Variants in RGS22 observed in about 807,000 individuals in gnomAD.
RGS22 encodes regulator of G-protein signaling 22.
In RGS22, 148 loss-of-function variants were observed where a neutral mutation model predicts 172.9. The ratio of observed to expected loss-of-function variants is 0.86; its 90% CI spans 0.75 to 0.98. The LOEUF (loss-of-function observed/expected upper bound fraction) is 0.98. Among genes scored for constraint, RGS22 ranks in the 50% least tolerant of loss-of-function variants. RGS22 has a pLI of 0.00. For missense variants in RGS22, 1,347 were observed against 1,440.8 expected (o/e 0.93, Z 1.05); for synonymous variants, 458 against 480.2 (o/e 0.95, Z 0.60).
At chr8:99,983,872 T>C (rs941976872) in intron 21 of RGS22, among the ~76,000 whole-genome samples, 3 of 152,204 alleles carry the variant, frequency 2.0e-5, no homozygotes, top group Admixed American at 6.5e-5. Context: ...AAAATTCTGA[T>C]GTCTTTCATG....
chr8:100,096,789 A>G (rs1350493133), intron 2 of RGS22, among the ~76,000 whole-genome samples: 2 of 151,738 alleles, frequency 1.3e-5, no homozygotes, highest in African/African-American at 2.4e-5. Context: ...GATTACAAGC[A>G]TGAGCCAACA....
chr8:100,043,229 C>A (rs182264260), intron 11 of RGS22, among the ~76,000 whole-genome samples: 2 of 152,202 alleles, frequency 1.3e-5, no homozygotes, highest in Non-Finnish European at 2.9e-5. Flanking sequence ...TCCACCTGTA[C>A]CCATCCTTAC....
At chr8:100,079,875 T>C (rs924927433) in intron 4 of RGS22, among the ~76,000 whole-genome samples, 2 of 152,202 alleles carry the variant, frequency 1.3e-5, no homozygotes, top group African/African-American at 4.8e-5. Flanking sequence ...AGGACACTTA[T>C]ATTTATATGA....
At chr8:100,079,597 T>C (rs1811597732) in intron 4 of RGS22, among the ~76,000 whole-genome samples, 1 of 152,210 alleles carries the variant, frequency 6.6e-6, no homozygotes, top group Admixed American at 6.5e-5. Flanking sequence ...ATTTGACAGA[T>C]GATGAAAATC....
intron 3 of RGS22, among the ~76,000 whole-genome samples, chr8:100,091,294 C>A (rs73698426): frequency 0.014 from 940 of 66,578 alleles, 4 homozygotes; most frequent in African/African-American, 0.019. Context: ...AGAGGAACTC[C>A]AAAAAAAAAA....
intron 2 of RGS22, among the ~76,000 whole-genome samples, chr8:100,097,524 G>A (rs1813069381): frequency 6.6e-6 from 1 of 152,180 alleles, no homozygotes; most frequent in South Asian, 2.1e-4. Context: ...AGGTATATCA[G>A]TGTTCACTAT....
chr8:100,105,444 ATTTCC>A (rs1813855697), intron 1 of RGS22, 42 bp from the exon 2 acceptor site: 7 of 1,539,772 alleles, frequency 4.5e-6, no homozygotes, highest in Non-Finnish European at 6.3e-6. Context: ...CTCAAATCTG[ATTTCC>A]TTTGAGTAAA....
Position 99,986,985 on chromosome 8 carries a change from G to GA in RGS22, c.3180+472dup, listed in dbSNP as rs1343382312. ...TTAAATCTTATGTATGTTAATACCT[G>GA]AAAAAAAACCTAATACAGGTTGAGT... On this transcript the variant is annotated intron_variant, in intron 21 of 27. Coordinates refer to ENST00000360863, the MANE Select transcript of RGS22 (RefSeq NM_015668.5). Among the ~76,000 whole-genome samples, 14 of 151,866 alleles carry GA rather than the reference G, an allele frequency of 9.2e-5. 1 individual carries two copies. In the South Asian group the frequency reaches 1.9e-3, roughly 20 times the overall value.
chr8:100,028,864 CA>C (rs1177388448), intron 14 of RGS22, among the ~76,000 whole-genome samples: 1 of 152,170 alleles, frequency 6.6e-6, no homozygotes, highest in Non-Finnish European at 1.5e-5. Flanking sequence ...CAAGTATGGG[CA>C]TAACATGTGG....
At chr8:100,019,569 T>A (rs1388001786) in intron 14 of RGS22, among the ~76,000 whole-genome samples, 1 of 152,206 alleles carries the variant, frequency 6.6e-6, no homozygotes, top group Non-Finnish European at 1.5e-5. Context: ...GAGATCTTAA[T>A]ACTAGTTGAC....
At chr8:99,998,177 C>T (rs1243147700) in intron 19 of RGS22, among the ~76,000 whole-genome samples, 1 of 151,996 alleles carries the variant, frequency 6.6e-6, no homozygotes, top group Non-Finnish European at 1.5e-5. Flanking sequence ...TAACCTTGTC[C>T]ACTTGTGTGA....
intron 9 of RGS22, among the ~76,000 whole-genome samples, chr8:100,053,929 T>C (rs573969503): frequency 2.6e-5 from 4 of 152,336 alleles, no homozygotes; most frequent in South Asian, 4.1e-4. Context: ...CCACTGCGCC[T>C]GGCCTATAAA....
At chr8:99,962,602 C>T in intron 26 of RGS22, 85 bp downstream of exon 26, 1 of 1,446,102 alleles carries the variant, frequency 6.9e-7, no homozygotes, top group Non-Finnish European at 9.5e-7. Context: ...CCCTTCCTCC[C>T]TGTACATTCT....
rs764619623 is a variant in RGS22 at position 99,962,947 on chromosome 8, G to C, written c.3647C>G (p.Ala1216Gly). Residue 1216 changes from alanine to glycine, a missense_variant, in exon 25 of 28, where the codon GCC becomes GGC. Transcript: ENST00000360863. ...AAGAAGAATTCTCTCCTGTTCTAAG[G>C]CTTCTATATACTTTGAGTAGCACCA... ...PTWCYSKYIE[A>G]LEQERILLKI... 11 of 1,593,202 alleles carry C rather than the reference G, an allele frequency of 6.9e-6. No homozygotes were observed. The South Asian group carries it at 1.3e-4, about 19-fold the overall frequency.
Position 100,018,521 on chromosome 8 carries a change from A to G in RGS22, c.2167-9952T>C, listed in dbSNP as rs530989410. On this transcript the variant is annotated intron_variant, in intron 14 of 27. Coordinates refer to ENST00000360863, the MANE Select transcript of RGS22 (RefSeq NM_015668.5). ...TCTAAATAGCGTTAAAATGAAGAAC[A>G]ATGTTTAATTTATTCTTAATACATA... Among the ~76,000 whole-genome samples the G allele has an allele frequency of 3.3e-4, 51 of 152,350 alleles. 1 individual carries two copies. In the South Asian group the frequency reaches 0.01, roughly 31 times the overall value.
intron 13 of RGS22, among the ~76,000 whole-genome samples, chr8:100,039,378 CTTTT>C (rs56745564): frequency 1.1e-4 from 13 of 123,434 alleles, no homozygotes; most frequent in Non-Finnish European, 1.0e-4. Flanking sequence ...CAGTTAAATA[CTTTT>C]TTTTTTTTTT....
At chr8:100,057,434 A>T (rs748048837) in intron 9 of RGS22, among the ~76,000 whole-genome samples, 11 of 152,262 alleles carry the variant, frequency 7.2e-5, no homozygotes, top group Non-Finnish European at 1.3e-4. Flanking sequence ...CAGGGGAGGA[A>T]TGATGTGATT....
At chr8:100,074,713 G>C (rs1388425503) in intron 4 of RGS22, among the ~76,000 whole-genome samples, 1 of 151,886 alleles carries the variant, frequency 6.6e-6, no homozygotes, top group African/African-American at 2.4e-5. Context: ...CATGAATAAA[G>C]CAACTATAGA....
intron 14 of RGS22, among the ~76,000 whole-genome samples, chr8:100,021,131 A>T (rs1437588514): frequency 6.6e-6 from 1 of 152,250 alleles, no homozygotes; most frequent in Non-Finnish European, 1.5e-5. Flanking sequence ...AGTAGGAAAA[A>T]ACAAATGACA....
Sources: gnomAD v4.1 joint callset for allele counts (sites outside exome capture counted in the v4.1 genomes callset) on GRCh38, gnomAD v4.1.1 for gene constraint, MANE v1.5 for transcripts, NCBI Gene and HGNC (gene_info 2026-07-23, HGNC 2026-07-21) for gene names.